The following NFIX variants were observed in gnomAD, a reference collection of about 807,000 sequenced individuals.
The protein encoded by NFIX is nuclear factor I X, also known as nuclear factor 1 X-type.
In NFIX, 2 loss-of-function variants were observed where a neutral mutation model predicts 53.3. The ratio of observed to expected loss-of-function variants is 0.04; its 90% CI spans 0.02 to 0.12. The LOEUF (loss-of-function observed/expected upper bound fraction) is 0.12, where lower values mean the gene tolerates loss of function less well. Among genes scored for constraint, NFIX ranks in the 10% least tolerant of loss-of-function variants. The pLI, the probability that NFIX is intolerant of heterozygous loss-of-function variation, is 1.00. For missense variants in NFIX, 310 were observed against 674.5 expected (o/e 0.46, Z 5.99); for synonymous variants, 244 against 289.0 (o/e 0.84, Z 1.58).
chr19:13,096,894 A>G lies in NFIX; in HGVS notation c.*2245A>G, dbSNP rs1421302507. On this transcript the variant is annotated 3_prime_UTR_variant, in exon 11 of 11. Transcript: ENST00000592199. Reference sequence around the variant, plus strand: ...GGGGGTGGGGGCTGCTCCTTTCCCAAGTGGTGTTGTGAGGGGCAATGAGGG... The same window carrying G: ...GGGGGTGGGGGCTGCTCCTTTCCCAGGTGGTGTTGTGAGGGGCAATGAGGG... 1 of 149,226 alleles carries G rather than the reference A, an allele frequency of 6.7e-6. No individual in the cohort carries two copies. Among genetic ancestry groups the G allele is most frequent in the Non-Finnish European group, 1.5e-5 (1 of 67,274 alleles). The allele number at this position is 149,226 out of a possible 1,614,324, so 9.2% of individuals were successfully genotyped here.
chr19:13,076,455 C>T (rs193173298), intron 6 of NFIX, among the ~76,000 whole-genome samples: 5 of 151,984 alleles, frequency 3.3e-5, no homozygotes, highest in African/African-American at 7.2e-5. Context: ...GTAACACGTG[C>T]GTGTGTGTGT....
In NFIX at chr19:13,078,346, C is replaced by T. The variant is rs745746190; in HGVS notation, c.956-267C>T. Reference sequence around the variant, plus strand: ...GGCTGGGGCCCTTGCTCACCCCCTGCCTGGCACACACCACCCCACATTACC... The same window carrying T: ...GGCTGGGGCCCTTGCTCACCCCCTGTCTGGCACACACCACCCCACATTACC... On this transcript the variant is annotated intron_variant, in intron 6 of 10. Transcript: ENST00000592199. This position sits in a 1 kb window ranked among gnomAD's most constrained non-coding sequence, Gnocchi z 4.7. 1.3e-5 allele frequency among the ~76,000 whole-genome samples: 2 copies of T among 152,266 alleles called. No homozygotes were observed. Among genetic ancestry groups the T allele is most frequent in the Non-Finnish European group, 2.9e-5 (2 of 68,046 alleles).
rs889867113 is a variant in NFIX at position 13,045,922 on chromosome 19, C to G, written c.559+20370C>G. Among the ~76,000 whole-genome samples the G allele has an allele frequency of 7.9e-5, 12 of 152,144 alleles. No homozygotes were observed. Among genetic ancestry groups the G allele is most frequent in the Admixed American group, 4.6e-4 (7 of 15,280 alleles). On this transcript the variant is annotated intron_variant, in intron 2 of 10. Transcript: ENST00000592199. The surrounding 1 kb of genome is among the most constrained non-coding windows in gnomAD (Gnocchi z 4.4). ...ATGGACCCCTCCAGGTGGGAGGAGT[C>G]CAGAGGAAGATACGCAGAAATAGGA...
At chr19:13,063,085 G>C (rs1314264698) in intron 2 of NFIX, among the ~76,000 whole-genome samples, 1 of 152,202 alleles carries the variant, frequency 6.6e-6, no homozygotes, top group Non-Finnish European at 1.5e-5. Context: ...AGAGAGCAGG[G>C]GGCAGAGAGA....
At chr19:13,047,761 C>G (rs371241678) in intron 2 of NFIX, among the ~76,000 whole-genome samples, 3 of 152,150 alleles carry the variant, frequency 2.0e-5, no homozygotes, top group African/African-American at 7.2e-5. Flanking sequence ...GCCATGTCCC[C>G]TGCTCTCTCT....
At chr19:13,064,461 C>G (rs1244781639) in intron 2 of NFIX, among the ~76,000 whole-genome samples, 1 of 152,238 alleles carries the variant, frequency 6.6e-6, no homozygotes, top group Non-Finnish European at 1.5e-5. Flanking sequence ...GCCCTCTCTC[C>G]CCCACCCCTG....
rs139208805 is a variant in NFIX, at chr19:13,088,724, C to T, written c.1402+588C>T. Among the ~76,000 whole-genome samples, 20 of 151,996 alleles carry T rather than the reference C, an allele frequency of 1.3e-4. No individual in the cohort carries two copies. The highest frequency in any genetic ancestry group is 4.3e-4 in the African/African-American group (18 of 41,470). ...TCGTTGTTCCTCTTTTTTTTTCCCC[C>T]CCTTCCATCCCTCTCCCGTCCCTTC... On this transcript the variant is annotated intron_variant, in intron 9 of 10. Coordinates refer to ENST00000592199, the MANE Select transcript of NFIX (RefSeq NM_001365902.3). The surrounding 1 kb of genome is among the most constrained non-coding windows in gnomAD (Gnocchi z 5.9).
chr19:13,082,204 C>T (rs1027210658), intron 8 of NFIX: 9 of 282,138 alleles, frequency 3.2e-5, no homozygotes, highest in East Asian at 6.9e-5. Context: ...TCTTAAACCT[C>T]GGGGCTGCAA....
chr19:13,010,419 C>G (rs971085673), intron 1 of NFIX, among the ~76,000 whole-genome samples: 1 of 152,278 alleles, frequency 6.6e-6, no homozygotes, highest in African/African-American at 2.4e-5. Flanking sequence ...TAAGCACGCT[C>G]TCGTATAGTT....
chr19:13,061,029 G>A (rs1257767317), intron 2 of NFIX, among the ~76,000 whole-genome samples: 2 of 152,130 alleles, frequency 1.3e-5, no homozygotes, highest in Non-Finnish European at 2.9e-5. Flanking sequence ...ACTGCCAAAA[G>A]GTGAGGGCAT....
At chr19:13,079,667 G>A (rs913899109) in intron 7 of NFIX, among the ~76,000 whole-genome samples, 4 of 152,016 alleles carry the variant, frequency 2.6e-5, no homozygotes, top group Admixed American at 1.3e-4. Context: ...TGGTGGCCGC[G>A]AGGTGGGGGT....
At chr19:13,086,222 G>A (rs983923270) in intron 8 of NFIX, among the ~76,000 whole-genome samples, 1 of 152,216 alleles carries the variant, frequency 6.6e-6, no homozygotes, top group East Asian at 1.9e-4. Flanking sequence ...ATCCGTGGGG[G>A]CCTTGAATGC....
At position 13,060,820 on chromosome 19, in the gene NFIX, C is replaced by T. The variant is rs2016030515; in HGVS notation, c.560-12227C>T. 6.6e-6 allele frequency among the ~76,000 whole-genome samples: 1 copy of T among 151,024 alleles called. No individual in the cohort carries two copies. Among genetic ancestry groups the T allele is most frequent in the Non-Finnish European group, 1.5e-5 (1 of 67,674 alleles). ...AGCGGAACAAAGGGGCCTTTCTCCACGCCCGCCCGGGAGGGTGTGCCCGCC... is the reference window on the plus strand; with the variant it reads ...AGCGGAACAAAGGGGCCTTTCTCCATGCCCGCCCGGGAGGGTGTGCCCGCC... On this transcript the variant is annotated intron_variant, in intron 2 of 10. Transcript: ENST00000592199. This position sits in a 1 kb window ranked among gnomAD's most constrained non-coding sequence, Gnocchi z 4.3.
intron 7 of NFIX, among the ~76,000 whole-genome samples, chr19:13,079,898 G>A (rs1435866249): frequency 2.6e-5 from 4 of 152,262 alleles, no homozygotes; most frequent in South Asian, 2.1e-4. Context: ...GTGAGGACAC[G>A]TGTGTGAGTG....
rs1246771903 is a variant in NFIX at position 13,052,826 on chromosome 19, A to G, written c.560-20221A>G. On this transcript the variant is annotated intron_variant, in intron 2 of 10. Transcript: ENST00000592199. This position sits in a 1 kb window ranked among gnomAD's most constrained non-coding sequence, Gnocchi z 5.2. ...CCAGAGGAGTGAGGATGATGAGGAC[A>G]GGGACATTAATCACAGTTCTGTTCT... 2.6e-5 allele frequency among the ~76,000 whole-genome samples: 4 copies of G among 152,212 alleles called. No individual in the cohort carries two copies.
chr19:13,034,843 GTC>G lies in NFIX; in HGVS notation c.559+9293_559+9294del, dbSNP rs2014069141. On this transcript the variant is annotated intron_variant, in intron 2 of 10. Coordinates refer to ENST00000592199, the MANE Select transcript of NFIX (RefSeq NM_001365902.3). ...GGCTGGCTCACCGCTCTAGATTTTC[GTC>G]TGTGTCCATGATAATTAGACAGAGG... Among the ~76,000 whole-genome samples, 3 of 147,814 alleles carry G rather than the reference GTC, an allele frequency of 2.0e-5. 1 individual carries two copies. The South Asian group carries it at 6.3e-4, about 31-fold the overall frequency.
intron 7 of NFIX, among the ~76,000 whole-genome samples, chr19:13,079,047 C>G (rs1326050967): frequency 2.6e-5 from 4 of 152,272 alleles, no homozygotes; most frequent in Non-Finnish European, 5.9e-5. Flanking sequence ...GCCCAGTTCT[C>G]CTTTTGTCCT....
chr19:13,059,329 C>T (rs972465629), intron 2 of NFIX, among the ~76,000 whole-genome samples: 1 of 152,210 alleles, frequency 6.6e-6, no homozygotes, highest in Non-Finnish European at 1.5e-5. Flanking sequence ...CCTTCTCTCT[C>T]CTTTTACTTC....
chr19:13,047,530 AG>A (rs1488583162), intron 2 of NFIX, among the ~76,000 whole-genome samples: 2 of 152,204 alleles, frequency 1.3e-5, no homozygotes, highest in Non-Finnish European at 2.9e-5. Flanking sequence ...TTGCGAACAA[AG>A]GTGCAGAACA....
Sources: allele counts gnomAD v4.1 joint callset (sites outside exome capture counted in the v4.1 genomes callset), GRCh38; gene constraint gnomAD v4.1.1; non-coding constraint Gnocchi (gnomAD v3.1); transcripts MANE v1.5; gene names NCBI Gene and HGNC (gene_info 2026-07-23, HGNC 2026-07-21).